Variants in CEP85L observed in about 807,000 individuals in gnomAD.
The protein encoded by CEP85L is centrosomal protein 85L.
Under a neutral mutation model 100.3 loss-of-function variants are expected in CEP85L, and 60 were observed. The observed-to-expected ratio is 0.60, with a 90% CI of 0.49 to 0.74. The LOEUF (loss-of-function observed/expected upper bound fraction) is 0.74. CEP85L is among the 30% of genes least tolerant of loss of function. CEP85L has a pLI of 0.00. For synonymous variants in CEP85L, 319 were observed against 322.7 expected, an observed-to-expected ratio of 0.99 and a Z score of 0.12; for missense variants, 973 against 936.2, an observed-to-expected ratio of 1.04 and a Z score of -0.51.
chr6:118,477,016 ATCACAT>A (rs1252695433), intron 10 of CEP85L, among the ~76,000 whole-genome samples: 5 of 152,220 alleles, frequency 3.3e-5, no homozygotes, highest in African/African-American at 1.2e-4. Flanking sequence ...GAAGAACTCA[ATCACAT>A]TCTGACTGCA....
intron 1 of CEP85L, among the ~76,000 whole-genome samples, chr6:118,708,958 G>A (rs1777687977): frequency 6.6e-6 from 1 of 152,080 alleles, no homozygotes; most frequent in African/African-American, 2.4e-5. Flanking sequence ...TAAAATATGA[G>A]TGTTATATAG....
chr6:118,701,288 G>A (rs1439586118), intron 1 of CEP85L, among the ~76,000 whole-genome samples: 1 of 152,090 alleles, frequency 6.6e-6, no homozygotes. Context: ...GTATATATCC[G>A]AAATAAATCA....
intron 1 of CEP85L, among the ~76,000 whole-genome samples, chr6:118,699,592 G>C (rs1389854378): frequency 1.3e-5 from 2 of 152,006 alleles, no homozygotes; most frequent in Non-Finnish European, 2.9e-5. Context: ...TTTTATCTTT[G>C]TAACTCCATT....
intron 3 of CEP85L, chr6:118,558,951 A>G (rs1583047548): frequency 1.9e-6 from 3 of 1,613,694 alleles, no homozygotes; most frequent in Non-Finnish European, 2.5e-6. Flanking sequence ...TCACTCGCTC[A>G]GCTATAAGAA....
At chr6:118,527,091 C>T (rs1178334193) in intron 3 of CEP85L, among the ~76,000 whole-genome samples, 1 of 150,208 alleles carries the variant, frequency 6.7e-6, no homozygotes, top group South Asian at 2.1e-4. Flanking sequence ...TAGAGCTCAC[C>T]GCAACCTCTG....
At chr6:118,653,341 A>C (rs1411714363), upstream of CEP85L, among the ~76,000 whole-genome samples, 13 of 152,344 alleles carry the variant, frequency 8.5e-5, no homozygotes, top group South Asian at 2.7e-3. Flanking sequence ...TAGTAATTAA[A>C]CTTGGGAGGA....
At chr6:118,604,340 AC>A (rs1397932558) in intron 2 of CEP85L, among the ~76,000 whole-genome samples, 2 of 152,146 alleles carry the variant, frequency 1.3e-5, no homozygotes, top group Non-Finnish European at 2.9e-5. Context: ...ACTGAGTAAC[AC>A]CCCTTTAACT....
At chr6:118,565,251 G>C (rs1779433601) in intron 3 of CEP85L, 1 of 399,666 alleles carries the variant, frequency 2.5e-6, no homozygotes, top group East Asian at 4.9e-5. Context: ...AGTTTATTTA[G>C]ATTGAGTATG....
chr6:118,604,175 C>T (rs1354194205), intron 2 of CEP85L, among the ~76,000 whole-genome samples: 3 of 152,152 alleles, frequency 2.0e-5, no homozygotes, highest in Non-Finnish European at 4.4e-5. Context: ...AAACCCAATT[C>T]TTAATAAAAT....
chr6:118,651,587 T>A lies in CEP85L; in HGVS notation c.-318A>T. On this transcript the variant is annotated 5_prime_UTR_variant, in exon 1 of 13. Transcript: ENST00000368491. ...TCCAGGCGAAGTTGCAGCTGCGGGT[T>A]CTCTCCGCCCCCTCCGCCGGCAGAG... 11 of 1,100,754 alleles carry A rather than the reference T, an allele frequency of 1.0e-5. No individual in the cohort carries two copies. The highest frequency in any genetic ancestry group is 1.2e-5 in the Non-Finnish European group (11 of 904,478). The allele number at this position is 1,100,754 out of a possible 1,614,324, so 68.2% of individuals were successfully genotyped here. A position where few individuals can be genotyped will look rare whatever the true frequency, so the allele number is the denominator to read the frequency against.
At chr6:118,593,683 TAAAAA>T (rs35539336) in intron 2 of CEP85L, among the ~76,000 whole-genome samples, 1 of 142,862 alleles carries the variant, frequency 7.0e-6, no homozygotes, top group African/African-American at 2.6e-5. Flanking sequence ...TAATGCTGTT[TAAAAA>T]AAAAAAAAAA....
chr6:118,470,777 C>T (rs183633145), intron 10 of CEP85L, 133 bp from the exon 11 acceptor site: 402 of 470,260 alleles, frequency 8.5e-4, no homozygotes, highest in Non-Finnish European at 9.7e-4. Context: ...GAAGATGAAG[C>T]CTTCACTTTT....
At chr6:118,591,752 A>G (rs1781202240) in intron 2 of CEP85L, among the ~76,000 whole-genome samples, 1 of 152,092 alleles carries the variant, frequency 6.6e-6, no homozygotes, top group Admixed American at 6.6e-5. Context: ...CTATGCTTTT[A>G]TTGCTTCATT....
chr6:118,573,183 G>A (rs539743443), intron 2 of CEP85L, among the ~76,000 whole-genome samples: 1 of 152,308 alleles, frequency 6.6e-6, no homozygotes, highest in Admixed American at 6.5e-5. Flanking sequence ...GAGAAGTGGT[G>A]AGCCATGGAG....
intron 3 of CEP85L, among the ~76,000 whole-genome samples, chr6:118,542,342 G>A (rs1016220335): frequency 6.6e-6 from 1 of 151,668 alleles, no homozygotes; most frequent in Non-Finnish European, 1.5e-5. Flanking sequence ...TTTTTTTTAA[G>A]TGCATTCCTT....
At chr6:118,543,872 T>G (rs1227998690) in intron 3 of CEP85L, among the ~76,000 whole-genome samples, 2 of 152,096 alleles carry the variant, frequency 1.3e-5, no homozygotes, top group Non-Finnish European at 2.9e-5. Flanking sequence ...AAAAACTGAG[T>G]AGGAAAGAGT....
chr6:118,663,859 G>T (rs561065110), intron 1 of CEP85L, among the ~76,000 whole-genome samples: 31 of 151,484 alleles, frequency 2.0e-4, no homozygotes, highest in African/African-American at 7.0e-4. Context: ...TAAGTGCTAT[G>T]TAAATAGCTG....
upstream of CEP85L, chr6:118,651,694 CTGCGGGG>C: frequency 1.8e-6 from 1 of 567,326 alleles, no homozygotes; most frequent in Middle Eastern, 9.2e-4. Context: ...GGGGCGGGGA[CTGCGGGG>C]GGCGGGGACT....
chr6:118,629,492 T>C (rs1433787130), intron 2 of CEP85L, among the ~76,000 whole-genome samples: 1 of 152,146 alleles, frequency 6.6e-6, no homozygotes, highest in African/African-American at 2.4e-5. Context: ...ACTACACATT[T>C]ATTAGAAAGG....
Sources: gnomAD v4.1 joint callset for allele counts (sites outside exome capture counted in the v4.1 genomes callset) on GRCh38, gnomAD v4.1.1 for gene constraint, MANE v1.5 for transcripts, NCBI Gene and HGNC (gene_info 2026-07-23, HGNC 2026-07-21) for gene names.